The following DMD variants were observed in gnomAD, a reference collection of about 807,000 sequenced individuals.
DMD encodes the protein mutant dystrophin.
In DMD, 63 loss-of-function variants were observed where a neutral mutation model predicts 330.1. That is an observed-to-expected ratio of 0.19 (90% CI 0.16 to 0.24). The LOEUF is 0.24. DMD is among the 10% of genes least tolerant of loss of function. DMD has a pLI of 1.00. For missense variants in DMD, 3,344 were observed against 2,684.1 expected, an observed-to-expected ratio of 1.25 and a Z score of -5.43; for synonymous variants, 1,223 against 959.8, an observed-to-expected ratio of 1.27 and a Z score of -5.07.
intron 56 of DMD, among the ~76,000 whole-genome samples, chrX:31,504,422 G>A (rs1039225196): frequency 1.8e-5 from 2 of 111,819 alleles, no homozygotes; most frequent in African/African-American, 6.5e-5. Flanking sequence ...TGAAATATAA[G>A]AGCAGTTTCA....
intron 34 of DMD, among the ~76,000 whole-genome samples, chrX:32,370,123 A>G (rs1030991450): frequency 4.5e-5 from 5 of 111,199 alleles, no homozygotes; most frequent in Non-Finnish European, 1.9e-5. Flanking sequence ...ATACATTGCC[A>G]TATTACTGCA....
intron 44 of DMD, among the ~76,000 whole-genome samples, chrX:32,139,824 T>C (rs1042745924): frequency 2.7e-5 from 3 of 112,456 alleles, no homozygotes; most frequent in African/African-American, 9.7e-5. Context: ...TAAAACTTTA[T>C]AGAAATTTTG....
At chrX:32,085,911 T>C (rs2096435811) in intron 44 of DMD, among the ~76,000 whole-genome samples, 1 of 111,159 alleles carries the variant, frequency 9.0e-6, no homozygotes, top group Non-Finnish European at 1.9e-5. Context: ...CCAAAAGACA[T>C]GTAATAGAAT....
chrX:33,216,510 T>C (rs767280790), upstream of DMD, among the ~76,000 whole-genome samples: 1 of 111,182 alleles, frequency 9.0e-6, no homozygotes, highest in African/African-American at 3.3e-5. Context: ...GCTCACTACC[T>C]GGGTGACTGG....
chrX:32,742,127 G>C (rs2069359895), intron 7 of DMD, among the ~76,000 whole-genome samples: 1 of 111,522 alleles, frequency 9.0e-6, no homozygotes, highest in African/African-American at 3.3e-5. Context: ...ATGATGACCT[G>C]GTTACACAGC....
intron 7 of DMD, among the ~76,000 whole-genome samples, chrX:32,786,312 G>C (rs753525339): frequency 3.1e-4 from 34 of 109,325 alleles, no homozygotes; most frequent in Admixed American, 1.7e-3. Context: ...ATCTAGATAA[G>C]AGATGTTCAC....
At chrX:32,551,616 T>C (rs757370587) in intron 16 of DMD, among the ~76,000 whole-genome samples, 1 of 111,405 alleles carries the variant, frequency 9.0e-6, no homozygotes, top group Non-Finnish European at 1.9e-5. Flanking sequence ...TCATTGAACA[T>C]AGTACTAGAA....
intron 60 of DMD, among the ~76,000 whole-genome samples, chrX:31,352,138 C>T (rs905396483): frequency 9.0e-6 from 1 of 111,096 alleles, no homozygotes; most frequent in Non-Finnish European, 1.9e-5. Flanking sequence ...GTGTGCATAT[C>T]GATGAAACTG....
intron 2 of DMD, among the ~76,000 whole-genome samples, chrX:32,874,097 A>G (rs1279850993): frequency 8.9e-6 from 1 of 112,079 alleles, no homozygotes; most frequent in Non-Finnish European, 1.9e-5. Flanking sequence ...CCTTAAGTCT[A>G]TCCCTCACAG....
chrX:31,663,223 T>C (rs1315596374), intron 53 of DMD, among the ~76,000 whole-genome samples: 1 of 111,948 alleles, frequency 8.9e-6, no homozygotes, highest in African/African-American at 3.2e-5. Flanking sequence ...GCTCCCTCTG[T>C]AATTCCATTA....
chrX:31,777,374 G>A (rs1372427304), intron 50 of DMD, among the ~76,000 whole-genome samples: 2 of 110,994 alleles, frequency 1.8e-5, no homozygotes, highest in South Asian at 3.8e-4. Context: ...TTTTCCTATC[G>A]AAGGGAGAAA....
At chrX:32,458,584 T>C (rs997497809) in intron 25 of DMD, among the ~76,000 whole-genome samples, 1 of 111,387 alleles carries the variant, frequency 9.0e-6, no homozygotes, top group Non-Finnish European at 1.9e-5. Context: ...TTCTCCCAAA[T>C]GGCTGCACCA....
At chrX:31,769,199 G>A (rs1244431172) in intron 51 of DMD, among the ~76,000 whole-genome samples, 1 of 111,844 alleles carries the variant, frequency 8.9e-6, no homozygotes, top group Non-Finnish European at 1.9e-5. Context: ...ATTACTGCAC[G>A]TCTAAGGTTT....
In DMD at chrX:31,230,610, C is replaced by T. The variant is rs189702220; in HGVS notation, c.9287-7489G>A. ...GTTGTAGTGAGCTGAGATCGCACCA[C>T]TGCACTTCAGCCTGGGCGACAGAAT... On this transcript the variant is annotated intron_variant, in intron 63 of 78. Coordinates refer to ENST00000357033, the MANE Select transcript of DMD (RefSeq NM_004006.3). 6.5e-3 allele frequency among the ~76,000 whole-genome samples: 699 copies of T among 108,303 alleles called. 7 individuals carry two copies. Among genetic ancestry groups the T allele is most frequent in the Middle Eastern group, 0.028 (6 of 213 alleles). 94.0% of individuals were successfully genotyped at this position (108,303 alleles called of 115,157 possible).
chrX:32,046,045 C>T (rs937828426), intron 44 of DMD, among the ~76,000 whole-genome samples: 2 of 112,410 alleles, frequency 1.8e-5, no homozygotes, highest in Non-Finnish European at 3.8e-5. Flanking sequence ...ACAGTAAAAG[C>T]CATATACTCT....
chrX:31,476,185 G>T (rs2067725135), intron 59 of DMD, among the ~76,000 whole-genome samples: 1 of 107,389 alleles, frequency 9.3e-6, no homozygotes, highest in African/African-American at 3.4e-5. Flanking sequence ...TAGACACTCA[G>T]GAAAGACAAC....
chrX:32,314,670 A>G (rs865953995), intron 41 of DMD, among the ~76,000 whole-genome samples: 2 of 111,771 alleles, frequency 1.8e-5, no homozygotes, highest in Non-Finnish European at 3.8e-5. Flanking sequence ...TCCAGAATCT[A>G]TAAGGAACTT....
chrX:31,208,138 A>G (rs373277328), intron 65 of DMD, among the ~76,000 whole-genome samples: 2 of 112,151 alleles, frequency 1.8e-5, no homozygotes, highest in East Asian at 5.6e-4. Context: ...CTTCAAAATC[A>G]CAAAGGATAG....
intron 1 of DMD, among the ~76,000 whole-genome samples, chrX:33,051,772 C>T (rs189582802): frequency 7.6e-4 from 81 of 107,180 alleles, no homozygotes; most frequent in Non-Finnish European, 1.3e-3. Flanking sequence ...CCTCAGCCTC[C>T]CAAGAAGTTG....
Sources: allele counts gnomAD v4.1 joint callset (sites outside exome capture counted in the v4.1 genomes callset), GRCh38; gene constraint gnomAD v4.1.1; transcripts MANE v1.5; gene names NCBI Gene and HGNC (gene_info 2026-07-23, HGNC 2026-07-21).